Variants in CUX1 observed in about 807,000 individuals in gnomAD.
CUX1 encodes protein CASP.
Under a neutral mutation model 158.8 loss-of-function variants are expected in CUX1, and 31 were observed. That is an observed-to-expected ratio of 0.20 (90% CI 0.15 to 0.26). CUX1 has a LOEUF of 0.26. Ranked by LOEUF, CUX1 falls within the 10% of genes least tolerant of loss-of-function variation. The pLI is 1.00. For missense variants in CUX1, 1,589 were observed against 2,014.6 expected (o/e 0.79, Z 4.04); for synonymous variants, 879 against 862.1 (o/e 1.02, Z -0.34).
At chr7:102,125,676 CAA>C (rs1252539083) in intron 8 of CUX1, 23 of 113,692 alleles carry the variant, frequency 2.0e-4, no homozygotes, top group Non-Finnish European at 3.7e-4. Flanking sequence ...GCCTGGGTGA[CAA>C]GAGCAAAACT....
intron 2 of CUX1, chr7:101,959,400 C>T (rs528591369): frequency 6.6e-6 from 1 of 152,166 alleles, no homozygotes; most frequent in East Asian, 1.9e-4. Flanking sequence ...CCCTCCTATC[C>T]CAGATAAGAA....
intron 2 of CUX1, among the ~76,000 whole-genome samples, chr7:102,009,528 A>G (rs542993062): frequency 1.3e-5 from 2 of 152,304 alleles, no homozygotes; most frequent in African/African-American, 4.8e-5. Flanking sequence ...CCTGACCTCA[A>G]GTGATCCTCC....
chr7:101,872,758 TGTTA>T (rs1220240947), intron 1 of CUX1, among the ~76,000 whole-genome samples: 1 of 152,228 alleles, frequency 6.6e-6, no homozygotes, highest in Non-Finnish European at 1.5e-5. Context: ...TCCCCCTCTC[TGTTA>T]GAGAATACTA....
intron 1 of CUX1, among the ~76,000 whole-genome samples, chr7:101,860,849 C>T: frequency 6.7e-6 from 1 of 149,238 alleles, no homozygotes; most frequent in Non-Finnish European, 1.5e-5. Context: ...TTGTGTCACC[C>T]AGGCTGGAGT....
rs370444186 is a variant in CUX1 at position 102,223,468 on chromosome 7, G to A, written c.3131-3899G>A. 5.3e-5 allele frequency among the ~76,000 whole-genome samples: 8 copies of A among 152,058 alleles called. No homozygotes were observed. The East Asian group carries it at 1.6e-3, about 30-fold the overall frequency. ...CAGTGGCTCACCCTGTCAGGGTGGCGAGGGTGAGGGGACCCTCTGTGCAGC... is the reference window on the plus strand; with the variant it reads ...CAGTGGCTCACCCTGTCAGGGTGGCAAGGGTGAGGGGACCCTCTGTGCAGC... On this transcript the variant is annotated intron_variant, in intron 20 of 23. Coordinates refer to ENST00000292535, the MANE Select transcript of CUX1 (RefSeq NM_181552.4).
intron 2 of CUX1, among the ~76,000 whole-genome samples, chr7:101,975,763 A>T (rs560581564): frequency 6.6e-6 from 1 of 152,332 alleles, no homozygotes; most frequent in Non-Finnish European, 1.5e-5. Context: ...AGCCAGTGGT[A>T]TCTCCTGTGT....
At chr7:102,222,617 C>T (rs1554527357) in intron 20 of CUX1, among the ~76,000 whole-genome samples, 1 of 151,894 alleles carries the variant, frequency 6.6e-6, no homozygotes, top group Non-Finnish European at 1.5e-5. Flanking sequence ...TTTTGTGACT[C>T]ATCGTTAAGT....
chr7:102,211,789 A>G (rs899486588), intron 20 of CUX1, among the ~76,000 whole-genome samples: 1 of 151,178 alleles, frequency 6.6e-6, no homozygotes, highest in Non-Finnish European at 1.5e-5. Context: ...AAAAAAAAAA[A>G]AAAAAAAAAA....
chr7:101,991,129 C>T (rs960323588), intron 2 of CUX1, among the ~76,000 whole-genome samples: 1 of 152,142 alleles, frequency 6.6e-6, no homozygotes, highest in Admixed American at 6.5e-5. Flanking sequence ...AGAAGGGGAA[C>T]GCTTCCCCCG....
At chr7:102,009,915 C>T (rs1238967276) in intron 2 of CUX1, among the ~76,000 whole-genome samples, 1 of 152,216 alleles carries the variant, frequency 6.6e-6, no homozygotes, top group Non-Finnish European at 1.5e-5. Flanking sequence ...ACTGGCGTGC[C>T]TCACTTAGCT....
chr7:102,032,390 C>T (rs1441643848), intron 3 of CUX1, among the ~76,000 whole-genome samples: 1 of 151,342 alleles, frequency 6.6e-6, no homozygotes, highest in Non-Finnish European at 1.5e-5. Context: ...AGTGAGACCC[C>T]GTCTCAGTCT....
At chr7:102,190,373 A>C (rs1554516664) in intron 12 of CUX1, among the ~76,000 whole-genome samples, 1 of 152,072 alleles carries the variant, frequency 6.6e-6, no homozygotes, top group East Asian at 1.9e-4. Context: ...CTCAGTTCTC[A>C]AGCTTCAAAG....
intron 12 of CUX1, among the ~76,000 whole-genome samples, chr7:102,192,716 G>A (rs565732296): frequency 3.9e-5 from 6 of 152,260 alleles, no homozygotes; most frequent in East Asian, 1.9e-4. Context: ...GGAACATGGC[G>A]AAGGTCCGGT....
In CUX1 at chr7:102,227,661, A is replaced by G; in HGVS notation, c.3425A>G (p.Asn1142Ser). The change falls in exon 21 of 24, where the codon AAC becomes AGC. Residue 1142 changes from asparagine to serine, a missense_variant. By Grantham distance (46) the Asn-to-Ser change is conservative (BLOSUM62 1). Around this residue, in one of 8 missense-constraint regions of CUX1, gnomAD observed 259 missense variants for 373.8 expected, o/e 0.69. Transcript: ENST00000292535. Reference protein sequence around the residue: ...TKRVKEVLTDNNLGQRLFGET... With the variant: ...TKRVKEVLTDSNLGQRLFGET... ...CGGGTGAAGGAGGTGCTGACGGACA[A>G]CAACCTCGGTAGGTTCTCCTCTCGG... 6.2e-7 allele frequency: 1 copy of G among 1,609,142 alleles called. No individual in the cohort carries two copies. The highest frequency in any genetic ancestry group is 8.5e-7 in the Non-Finnish European group (1 of 1,176,884).
intron 1 of CUX1, among the ~76,000 whole-genome samples, chr7:101,835,775 G>T (rs1265524294): frequency 6.6e-6 from 1 of 152,108 alleles, no homozygotes; most frequent in Non-Finnish European, 1.5e-5. Flanking sequence ...CACTGTTGTT[G>T]CCCAGGCTGG....
At chr7:102,051,135 T>A (rs1011743925) in intron 3 of CUX1, among the ~76,000 whole-genome samples, 1 of 152,038 alleles carries the variant, frequency 6.6e-6, no homozygotes, top group African/African-American at 2.4e-5. Context: ...CCCAGTCACC[T>A]CCTCTGCTCC....
At chr7:101,821,700 G>A (rs1350261121) in intron 1 of CUX1, among the ~76,000 whole-genome samples, 3 of 19,238 alleles carry the variant, frequency 1.6e-4, no homozygotes, top group African/African-American at 6.4e-4. Context: ...TTTTTTTTGA[G>A]ACGTGGTTCT....
chr7:102,003,304 A>ACACACACACACC, intron 2 of CUX1, among the ~76,000 whole-genome samples: 1 of 142,488 alleles, frequency 7.0e-6, no homozygotes. Flanking sequence ...GAACACACAC[A>ACACACACACACC]CACACACACA....
intron 14 of CUX1, 97 bp from the exon 15 acceptor site, chr7:102,196,537 T>C (rs1453721579): frequency 3.3e-6 from 4 of 1,218,946 alleles, no homozygotes; most frequent in Admixed American, 2.7e-5. Context: ...TTTTTTTGTT[T>C]TCCCTTTTGC....
Sources: gnomAD v4.1 joint callset for allele counts (sites outside exome capture counted in the v4.1 genomes callset) on GRCh38, gnomAD v4.1.1 for gene constraint, gnomAD v4.1.1 regional missense constraint, MANE v1.5 for transcripts, NCBI Gene and HGNC (gene_info 2026-07-23, HGNC 2026-07-21) for gene names.